Variants in ANKRD44 observed in about 807,000 individuals in gnomAD.
ANKRD44 encodes serine/threonine-protein phosphatase 6 regulatory ankyrin repeat subunit B.
A neutral mutation model predicts 116.0 loss-of-function variants in ANKRD44; 35 were observed. The observed-to-expected ratio is 0.30, with a 90% CI of 0.23 to 0.40. The LOEUF (loss-of-function observed/expected upper bound fraction) is 0.40. ANKRD44 is among the 10% of genes least tolerant of loss of function. The pLI, the probability that ANKRD44 is intolerant of heterozygous loss-of-function variation, is 1.00. For synonymous variants in ANKRD44, 435 were observed against 461.8 expected (o/e 0.94, Z 0.74); for missense variants, 1,014 against 1,242.6 (o/e 0.82, Z 2.77).
intron 16 of ANKRD44, among the ~76,000 whole-genome samples, chr2:197,040,178 G>T (rs73049661): frequency 0.065 from 9,822 of 151,198 alleles, 1,074 homozygotes; most frequent in African/African-American, 0.23. Flanking sequence ...GGTAGAGGTT[G>T]CATTGAGCTG....
At chr2:197,136,506 T>C in intron 4 of ANKRD44, 86 bp downstream of exon 4, 3 of 1,288,446 alleles carry the variant, frequency 2.3e-6, no homozygotes, top group South Asian at 1.2e-5. Flanking sequence ...GCCTTCTGCT[T>C]ACCAGTAAGG....
chr2:197,216,510 G>A (rs1207831799), intron 1 of ANKRD44, among the ~76,000 whole-genome samples: 3 of 152,126 alleles, frequency 2.0e-5, no homozygotes, highest in African/African-American at 7.2e-5. Context: ...ACTGTTCATC[G>A]AGACATTTCC....
intron 1 of ANKRD44, among the ~76,000 whole-genome samples, chr2:197,223,976 G>GATACA (rs2081643310): frequency 1.3e-5 from 2 of 151,882 alleles, no homozygotes; most frequent in African/African-American, 2.4e-5. Context: ...CCGAAAAGTA[G>GATACA]TAGATACATG....
chr2:197,168,175 G>T (rs1301091107), intron 2 of ANKRD44, among the ~76,000 whole-genome samples: 2 of 152,138 alleles, frequency 1.3e-5, no homozygotes, highest in Non-Finnish European at 2.9e-5. Context: ...CATCTGTCAA[G>T]TCACCCCAGC....
At chr2:197,041,941 T>C (rs2076918950) in intron 16 of ANKRD44, among the ~76,000 whole-genome samples, 1 of 152,192 alleles carries the variant, frequency 6.6e-6, no homozygotes, top group Non-Finnish European at 1.5e-5. Flanking sequence ...ACAATTTCAT[T>C]TCATTAAATC....
chr2:197,139,897 T>TGTGTGTGTGTGA (rs1434883595), intron 3 of ANKRD44, among the ~76,000 whole-genome samples: 4 of 131,404 alleles, frequency 3.0e-5, no homozygotes, highest in African/African-American at 1.1e-4. Flanking sequence ...TGTGTGTGTG[T>TGTGTGTGTGTGA]GAAACGGAGT....
At chr2:197,043,125 T>A (rs1339351096) in intron 16 of ANKRD44, among the ~76,000 whole-genome samples, 2 of 152,234 alleles carry the variant, frequency 1.3e-5, no homozygotes, top group African/African-American at 4.8e-5. Context: ...GTTTCACTGT[T>A]TGCTGATAGC....
At chr2:197,200,746 A>G (rs1226344581) in intron 1 of ANKRD44, among the ~76,000 whole-genome samples, 1 of 152,214 alleles carries the variant, frequency 6.6e-6, no homozygotes, top group Non-Finnish European at 1.5e-5. Flanking sequence ...AATAACATGA[A>G]AGAAAGCAAT....
chr2:197,277,481 A>G (rs1438138163), intron 1 of ANKRD44, among the ~76,000 whole-genome samples: 2 of 152,136 alleles, frequency 1.3e-5, no homozygotes, highest in Non-Finnish European at 1.5e-5. Flanking sequence ...TAAGAGCCTC[A>G]TCTCTGGAGA....
intron 2 of ANKRD44, among the ~76,000 whole-genome samples, chr2:197,149,877 T>C (rs952075153): frequency 1.1e-4 from 16 of 151,952 alleles, no homozygotes; most frequent in African/African-American, 3.9e-4. Flanking sequence ...GCTAAACTAA[T>C]GGAATAGGAG....
intron 16 of ANKRD44, chr2:197,029,659 T>C (rs1378512417): frequency 3.2e-6 from 1 of 314,602 alleles, no homozygotes; most frequent in Non-Finnish European, 6.1e-6. Flanking sequence ...ATTATCCTCA[T>C]TACAGGCAAT....
rs541472673 is a variant in ANKRD44, at chr2:197,080,128, T to A, written c.1539-1314A>T. ...ATGAAATCACTCAATAGGAATAACA[T>A]GCTAGTGGACACACAATTCCCAATT... is the stretch of plus-strand genomic sequence containing the variant. On this transcript the variant is annotated intron_variant, in intron 15 of 27. Transcript: ENST00000282272. Among the ~76,000 whole-genome samples, 7 of 152,346 alleles carry A rather than the reference T, an allele frequency of 4.6e-5. No homozygotes were observed. The South Asian group carries it at 1.4e-3, about 32-fold the overall frequency.
intron 1 of ANKRD44, among the ~76,000 whole-genome samples, chr2:197,243,561 T>C (rs997535225): frequency 6.6e-6 from 1 of 152,232 alleles, no homozygotes; most frequent in Non-Finnish European, 1.5e-5. Flanking sequence ...TGAGTTGCTA[T>C]AACAAAATAC....
intron 16 of ANKRD44, among the ~76,000 whole-genome samples, chr2:197,038,061 T>C (rs1574326616): frequency 6.6e-6 from 1 of 152,270 alleles, no homozygotes; most frequent in East Asian, 1.9e-4. Context: ...TGAATGACAG[T>C]ATGATGATGA....
Position 197,254,399 on chromosome 2 carries a change from C to A in ANKRD44, c.27+56179G>T, listed in dbSNP as rs772570305. 6.9e-4 allele frequency among the ~76,000 whole-genome samples: 84 copies of A among 122,548 alleles called. 1 individual carries two copies. The highest frequency in any genetic ancestry group is 1.6e-3 in the African/African-American group (54 of 33,922). 80.4% of individuals were successfully genotyped at this position (122,548 alleles called of 152,430 possible). On this transcript the variant is annotated intron_variant, in intron 1 of 27. Coordinates refer to ENST00000282272, the MANE Select transcript of ANKRD44 (RefSeq NM_001195144.2). ...GCTCCATCTTAAAAAACAACAACAA[C>A]AAAAAAAACTTCCAACTCCAGCCTG...
intron 17 of ANKRD44, among the ~76,000 whole-genome samples, chr2:197,021,388 A>G (rs569958024): frequency 6.6e-6 from 1 of 152,348 alleles, no homozygotes; most frequent in African/African-American, 2.4e-5. Flanking sequence ...TGCCTTCCAC[A>G]ATGGTTGAAC....
intron 16 of ANKRD44, among the ~76,000 whole-genome samples, chr2:197,061,982 T>C (rs1167956665): frequency 6.6e-6 from 1 of 152,196 alleles, no homozygotes; most frequent in Non-Finnish European, 1.5e-5. Context: ...GGTTTCACCA[T>C]GTTGGTCAGG....
chr2:197,112,707 CAAA>C (rs1178148585), intron 8 of ANKRD44, among the ~76,000 whole-genome samples: 2 of 80,062 alleles, frequency 2.5e-5, no homozygotes. Flanking sequence ...GACTCCGTCT[CAAA>C]AAAAAAAAAA....
At chr2:197,276,713 G>T (rs2083096762) in intron 1 of ANKRD44, among the ~76,000 whole-genome samples, 1 of 152,018 alleles carries the variant, frequency 6.6e-6, no homozygotes, top group Non-Finnish European at 1.5e-5. Flanking sequence ...TCTATTATCT[G>T]TGAGTTTCCA....
Sources: allele counts gnomAD v4.1 joint callset (sites outside exome capture counted in the v4.1 genomes callset), GRCh38; gene constraint gnomAD v4.1.1; transcripts MANE v1.5; gene names NCBI Gene and HGNC (gene_info 2026-07-23, HGNC 2026-07-21).